The following CD200R1L variants were observed in gnomAD, a reference collection of about 807,000 sequenced individuals.
CD200R1L encodes the protein CD200 receptor 1 like, also known as cell surface glycoprotein CD200 receptor 2.
CD200R1L carries 14 observed loss-of-function variants against 24.8 expected under a neutral mutation model. The ratio of observed to expected loss-of-function variants is 0.56; its 90% CI spans 0.37 to 0.88. The LOEUF (loss-of-function observed/expected upper bound fraction) is 0.88. Ranked by LOEUF, CD200R1L falls within the 40% of genes least tolerant of loss-of-function variation. CD200R1L has a pLI of 0.00. For synonymous variants in CD200R1L, 111 were observed against 109.2 expected, an observed-to-expected ratio of 1.02 and a Z score of -0.11; for missense variants, 299 against 297.8, an observed-to-expected ratio of 1.00 and a Z score of -0.03.
chr3:112,829,285 C>T, intron 4 of CD200R1L, 34 bp downstream of exon 4: 1 of 1,551,658 alleles, frequency 6.4e-7, no homozygotes, highest in Non-Finnish European at 8.9e-7. Flanking sequence ...CTTTCCATCC[C>T]TCAGTGCTGG....
chr3:112,837,865 C>A (rs1938988255), intron 3 of CD200R1L, 77 bp downstream of exon 3: 4 of 496,712 alleles, frequency 8.1e-6, no homozygotes, highest in Non-Finnish European at 8.9e-6. Context: ...GCACACAGGA[C>A]AAATGATCAT....
At chr3:112,842,722 G>A (rs1196203359) in intron 2 of CD200R1L, among the ~76,000 whole-genome samples, 10 of 152,116 alleles carry the variant, frequency 6.6e-5, no homozygotes, top group Admixed American at 3.3e-4. Context: ...GTCTATAAAC[G>A]GCTGCTCCGG....
chr3:112,835,514 AGGTGG>A (rs970100100), intron 3 of CD200R1L, among the ~76,000 whole-genome samples: 1 of 152,214 alleles, frequency 6.6e-6, no homozygotes, highest in Admixed American at 6.5e-5. Flanking sequence ...GGGTGCCCAT[AGGTGG>A]GCTCAGAAAA....
intron 3 of CD200R1L, among the ~76,000 whole-genome samples, chr3:112,835,515 G>A (rs191544576): frequency 2.0e-5 from 3 of 152,354 alleles, no homozygotes; most frequent in African/African-American, 7.2e-5. Flanking sequence ...GGTGCCCATA[G>A]GTGGGCTCAG....
chr3:112,841,704 G>A (rs1396812829), intron 2 of CD200R1L, among the ~76,000 whole-genome samples: 1 of 152,184 alleles, frequency 6.6e-6, no homozygotes, highest in African/African-American at 2.4e-5. Context: ...TCCTGAAATA[G>A]GGTGCACACA....
intron 6 of CD200R1L, among the ~76,000 whole-genome samples, chr3:112,822,174 T>A (rs1576086560): frequency 6.6e-6 from 1 of 152,206 alleles, no homozygotes; most frequent in African/African-American, 2.4e-5. Flanking sequence ...ATAAGCAATA[T>A]GTATGTATTT....
At chr3:112,823,385 T>A (rs1174042886) in intron 6 of CD200R1L, among the ~76,000 whole-genome samples, 1 of 152,222 alleles carries the variant, frequency 6.6e-6, no homozygotes, top group Non-Finnish European at 1.5e-5. Flanking sequence ...GAAGTTCAGG[T>A]GGCAATCTGG....
At chr3:112,841,804 G>A (rs1160060974) in intron 2 of CD200R1L, among the ~76,000 whole-genome samples, 1 of 152,224 alleles carries the variant, frequency 6.6e-6, no homozygotes, top group Admixed American at 6.5e-5. Flanking sequence ...ATCCTGAGGT[G>A]TCAGAGGATA....
intron 2 of CD200R1L, among the ~76,000 whole-genome samples, chr3:112,840,328 G>C (rs1939048940): frequency 6.6e-6 from 1 of 152,170 alleles, no homozygotes; most frequent in Non-Finnish European, 1.5e-5. Context: ...GAGGGCCTCA[G>C]GGAGCTTTTA....
intron 6 of CD200R1L, among the ~76,000 whole-genome samples, chr3:112,820,801 T>C: frequency 6.7e-6 from 1 of 150,158 alleles, no homozygotes; most frequent in East Asian, 2.0e-4. Context: ...CTCACACCTG[T>C]AATCCCAGCA....
chr3:112,837,111 T>C (rs996883147), intron 3 of CD200R1L, among the ~76,000 whole-genome samples: 3 of 152,338 alleles, frequency 2.0e-5, no homozygotes, highest in African/African-American at 4.8e-5. Context: ...GCTAATTTAC[T>C]TTTCCACTAG....
chr3:112,835,848 G>A (rs924075575), intron 3 of CD200R1L, among the ~76,000 whole-genome samples: 8 of 152,330 alleles, frequency 5.3e-5, no homozygotes, highest in Admixed American at 2.6e-4. Context: ...GGTTGCAGCC[G>A]CAGCTTGGGC....
chr3:112,819,168 G>A (rs1350431868), intron 7 of CD200R1L, among the ~76,000 whole-genome samples: 2 of 152,112 alleles, frequency 1.3e-5, no homozygotes, highest in Non-Finnish European at 2.9e-5. Flanking sequence ...CCACTCCCAT[G>A]ATCCAATCAC....
Position 112,845,953 on chromosome 3 carries a change from G to C in CD200R1L, c.-358-3C>G, listed in dbSNP as rs1459955985. The C allele has an allele frequency of 4.9e-5, 25 of 513,032 alleles. No homozygotes were observed. The highest frequency in any genetic ancestry group is 3.1e-4 in the South Asian group (11 of 35,928). The allele number at this position is 513,032 out of a possible 1,614,324, so 31.8% of individuals were successfully genotyped here. ...ATGGGAAATGTCAGTGAGTTTTGCT[G>C]TGTAATAAAGCAAAAAAGCCAATGC... On this transcript the variant is annotated splice_region_variant and splice_polypyrimidine_tract_variant and intron_variant, in intron 1 of 7. Transcript: ENST00000488794.
rs372439266 is a variant in CD200R1L, at chr3:112,819,197, T to C, written c.740+575A>G. 1.1e-3 allele frequency among the ~76,000 whole-genome samples: 163 copies of C among 152,128 alleles called. 4 individuals carry two copies. In the South Asian group the frequency reaches 0.031, roughly 29 times the overall value. On this transcript the variant is annotated intron_variant, in intron 7 of 7. Coordinates refer to ENST00000488794, the MANE Select transcript of CD200R1L (RefSeq NM_001199215.3). ...CAATCACCTACACCAAGTCCCTCCC[T>C]CAACACGTGGGGATTACAATTTGAG...
Position 112,819,868 on chromosome 3 carries a change from A to C in CD200R1L, c.644T>G (p.Leu215Trp), listed in dbSNP as rs773821172. 4.4e-6 allele frequency: 7 copies of C among 1,606,946 alleles called. No individual in the cohort carries two copies. The South Asian group carries it at 6.7e-5, about 15-fold the overall frequency. Residue 215 changes from leucine to tryptophan, a missense_variant, in exon 7 of 8, where the codon TTG becomes TGG. By Grantham distance (61) the Leu-to-Trp change is moderately conservative (BLOSUM62 -2). Transcript: ENST00000488794. ...SGLRTSGSPALSLLIILYVKL... is the reference protein window; with the variant it reads ...SGLRTSGSPAWSLLIILYVKL... ...CACATAAAGAATGATCAGTAAGGAC[A>C]ACGCTGGAGATCCTGAGGTTCTGAG...
intron 3 of CD200R1L, among the ~76,000 whole-genome samples, chr3:112,830,164 G>C (rs1381800691): frequency 1.3e-5 from 2 of 152,200 alleles, no homozygotes; most frequent in Admixed American, 6.5e-5. Context: ...GAAATTTAGA[G>C]AGACATTTGT....
chr3:112,830,498 GT>G (rs11391916), intron 3 of CD200R1L, among the ~76,000 whole-genome samples: 6,428 of 101,930 alleles, frequency 0.063, 113 homozygotes, highest in Admixed American at 0.086. Flanking sequence ...TGTCATTGCA[GT>G]TTTTTTTTTT....
chr3:112,816,211 T>C (rs1332819900), intron 7 of CD200R1L, among the ~76,000 whole-genome samples: 2 of 152,164 alleles, frequency 1.3e-5, no homozygotes, highest in Non-Finnish European at 2.9e-5. Context: ...TGGGATCAAG[T>C]GGAGGTCAGG....
Sources: allele counts gnomAD v4.1 joint callset (sites outside exome capture counted in the v4.1 genomes callset), GRCh38; gene constraint gnomAD v4.1.1; transcripts MANE v1.5; gene names NCBI Gene and HGNC (gene_info 2026-07-23, HGNC 2026-07-21).